Variants in TUBGCP3 observed in about 807,000 individuals in gnomAD.
TUBGCP3 encodes the protein gamma-tubulin complex component 3.
Under a neutral mutation model 123.1 loss-of-function variants are expected in TUBGCP3, and 50 were observed. That is an observed-to-expected ratio of 0.41 (90% CI 0.32 to 0.51). The LOEUF (loss-of-function observed/expected upper bound fraction) is 0.51, where lower values mean the gene tolerates loss of function less well. Among genes scored for constraint, TUBGCP3 ranks in the 20% least tolerant of loss-of-function variants. TUBGCP3 has a pLI of 0.36. For missense variants in TUBGCP3, 882 were observed against 1,127.0 expected (o/e 0.78, Z 3.11); for synonymous variants, 405 against 413.9 (o/e 0.98, Z 0.26).
At chr13:112,518,750 T>C (rs934936987) in intron 16 of TUBGCP3, among the ~76,000 whole-genome samples, 1 of 152,156 alleles carries the variant, frequency 6.6e-6, no homozygotes, top group Non-Finnish European at 1.5e-5. Flanking sequence ...ATAGAACAAA[T>C]GATATTTTTA....
Position 112,516,554 on chromosome 13 carries a change from T to C in TUBGCP3, c.1972A>G (p.Ser658Gly), listed in dbSNP as rs766643703. 2 of 1,613,656 alleles carry C rather than the reference T, an allele frequency of 1.2e-6. No individual in the cohort carries two copies. Among genetic ancestry groups the C allele is most frequent in the South Asian group, 2.2e-5 (2 of 90,968 alleles). The change falls in exon 17 of 22, where the codon AGC (serine) becomes GGC (glycine). Residue 658 changes from serine to glycine, a missense_variant. Physicochemically the swap from Ser to Gly is moderately conservative, Grantham distance 56. Transcript: ENST00000261965. ...AAGTTAAATACTCTTAGGTAGTGGC[T>C]CATACATTCTCGAGTAAACACCTGG... ...IATVFTRECM[S>G]HYLRVFNFLW...
intron 8 of TUBGCP3, among the ~76,000 whole-genome samples, chr13:112,551,320 T>C (rs113542683): frequency 2.6e-5 from 4 of 152,232 alleles, no homozygotes; most frequent in South Asian, 4.1e-4. Flanking sequence ...TAAATGCACA[T>C]GTAAGTTTCA....
At chr13:112,589,392 TCTTA>T (rs971323127), upstream of TUBGCP3, among the ~76,000 whole-genome samples, 1 of 152,198 alleles carries the variant, frequency 6.6e-6, no homozygotes, top group African/African-American at 2.4e-5. Flanking sequence ...TACAGATGGC[TCTTA>T]CTTAAAGATG....
intron 20 of TUBGCP3, among the ~76,000 whole-genome samples, chr13:112,495,519 A>G (rs1880476892): frequency 6.6e-6 from 1 of 152,208 alleles, no homozygotes; most frequent in Non-Finnish European, 1.5e-5. Flanking sequence ...TGATCATATA[A>G]TTTTTCCCCT....
chr13:112,590,742 T>C (rs1882869034), upstream of TUBGCP3, among the ~76,000 whole-genome samples: 1 of 152,342 alleles, frequency 6.6e-6, no homozygotes, highest in African/African-American at 2.4e-5. Context: ...AGCATTTCCA[T>C]TGTGCCTATC....
rs1237644714 is a variant in TUBGCP3, at chr13:112,545,060, G to A, written c.1335+639C>T. 1 of 152,448 alleles carries A rather than the reference G, an allele frequency of 6.6e-6. No individual in the cohort carries two copies. The highest frequency in any genetic ancestry group is 2.4e-5 in the African/African-American group (1 of 41,470). 9.4% of individuals were successfully genotyped at this position (152,448 alleles called of 1,614,324 possible). A position where few individuals can be genotyped will look rare whatever the true frequency, so the allele number is the denominator to read the frequency against. Reference sequence around the variant, plus strand: ...CCCACTCCCACAAGAAAGCGCCAGGGTTTTTCCAAGGCCAATGTGATATTT... The same window carrying A: ...CCCACTCCCACAAGAAAGCGCCAGGATTTTTCCAAGGCCAATGTGATATTT... On this transcript the variant is annotated intron_variant, in intron 11 of 21. Coordinates refer to ENST00000261965, the MANE Select transcript of TUBGCP3 (RefSeq NM_006322.6). The surrounding 1 kb of genome is among the most constrained non-coding windows in gnomAD (Gnocchi z 4.1).
intron 20 of TUBGCP3, 78 bp downstream of exon 20, chr13:112,498,967 T>C (rs747240736): frequency 1.1e-5 from 17 of 1,614,114 alleles, no homozygotes; most frequent in Admixed American, 6.7e-5. Context: ...GAAAGTTATT[T>C]GTTGGCATTT....
intron 1 of TUBGCP3, among the ~76,000 whole-genome samples, chr13:112,581,085 C>T (rs1057164584): frequency 3.3e-5 from 5 of 152,148 alleles, no homozygotes; most frequent in African/African-American, 7.2e-5. Context: ...CCCAGGGAGC[C>T]GGCCCCTTGC....
At chr13:112,548,796 C>T (rs1054132646) in intron 8 of TUBGCP3, among the ~76,000 whole-genome samples, 4 of 152,198 alleles carry the variant, frequency 2.6e-5, no homozygotes, top group African/African-American at 9.7e-5. Context: ...TACCATCTCA[C>T]ACCAGTTAGA....
intron 5 of TUBGCP3, among the ~76,000 whole-genome samples, chr13:112,557,693 T>G (rs1002006034): frequency 6.6e-6 from 1 of 152,246 alleles, no homozygotes; most frequent in African/African-American, 2.4e-5. Flanking sequence ...ACATAAAACC[T>G]TCGTTGTGCA....
intron 1 of TUBGCP3, among the ~76,000 whole-genome samples, chr13:112,579,569 C>T (rs1422616485): frequency 6.6e-6 from 1 of 150,860 alleles, no homozygotes; most frequent in Admixed American, 6.6e-5. Context: ...GGGGCCACGG[C>T]ATCCCTGGAG....
intron 17 of TUBGCP3, among the ~76,000 whole-genome samples, chr13:112,516,092 T>G (rs1470608304): frequency 6.6e-6 from 1 of 151,538 alleles, no homozygotes; most frequent in Admixed American, 6.6e-5. Context: ...TTTACTATAG[T>G]TTTAGATTGT....
rs1296796203 is a variant in TUBGCP3, at chr13:112,485,999, G to A, written c.2718C>T (p.His906=). The A allele has an allele frequency of 1.9e-6, 3 of 1,598,038 alleles. No individual in the cohort carries two copies. The highest frequency in any genetic ancestry group is 2.6e-6 in the Non-Finnish European group (3 of 1,168,024). ...CCTGGGAGGACCGCGAGCTTCACGT[G>A]TGGGAGCTGCGCCGCCCCCTGGTAC... The part of the protein sequence containing the change: ...SLGTRGRRSS[H]T Residue 906 remains histidine (H), a synonymous_variant, in exon 22 of 22, where the codon CAC becomes CAT. Transcript: ENST00000261965.
At chr13:112,540,909 A>C (rs1299468390) in intron 11 of TUBGCP3, among the ~76,000 whole-genome samples, 1 of 152,260 alleles carries the variant, frequency 6.6e-6, no homozygotes, top group South Asian at 2.1e-4. Flanking sequence ...CTCAATAGAC[A>C]TGCATTATTT....
rs1453760041 is a variant in TUBGCP3 at position 112,560,134 on chromosome 13, A to AC, written c.253-736_253-735insG. Among the ~76,000 whole-genome samples, 901 of 146,704 alleles carry AC rather than the reference A, an allele frequency of 6.1e-3. 10 individuals carry two copies. The highest frequency in any genetic ancestry group is 0.021 in the African/African-American group (844 of 40,230). ...GGAGACAGAGCAAGACTCCGTCTCA[A>AC]AAAAAAAAAAAAAAGGCCGGGCGCG... is the stretch of plus-strand genomic sequence containing the variant. On this transcript the variant is annotated intron_variant, in intron 3 of 21. Transcript: ENST00000261965.
intron 2 of TUBGCP3, among the ~76,000 whole-genome samples, chr13:112,566,294 C>T (rs1285241550): frequency 1.3e-5 from 2 of 152,318 alleles, no homozygotes; most frequent in African/African-American, 4.8e-5. Context: ...CTTTCAAAGG[C>T]TAACTTATAA....
At chr13:112,498,989 G>T in intron 20 of TUBGCP3, 56 bp downstream of exon 20, 2 of 1,614,226 alleles carry the variant, frequency 1.2e-6, no homozygotes, top group Non-Finnish European at 1.7e-6. Context: ...AGATTATCGT[G>T]TGTGGCAAGG....
chr13:112,505,396 G>A (rs977687362), intron 17 of TUBGCP3, among the ~76,000 whole-genome samples: 6 of 152,224 alleles, frequency 3.9e-5, no homozygotes, highest in East Asian at 1.9e-4. Flanking sequence ...TATAACACGG[G>A]TCAGCTTGGA....
At chr13:112,568,662 G>A (rs1006758352) in intron 2 of TUBGCP3, among the ~76,000 whole-genome samples, 3 of 152,226 alleles carry the variant, frequency 2.0e-5, no homozygotes, top group Admixed American at 1.3e-4. Flanking sequence ...ACTGACCTTC[G>A]CGCAGGCCTC....
Sources: allele counts gnomAD v4.1 joint callset (sites outside exome capture counted in the v4.1 genomes callset), GRCh38; gene constraint gnomAD v4.1.1; non-coding constraint Gnocchi (gnomAD v3.1); transcripts MANE v1.5; gene names NCBI Gene and HGNC (gene_info 2026-07-23, HGNC 2026-07-21).